Variants in PCDH15 observed in about 807,000 individuals in gnomAD.
PCDH15 encodes the protein protocadherin related 15, also known as protocadherin-15.
Under a neutral mutation model 178.5 loss-of-function variants are expected in PCDH15, and 129 were observed. That is an observed-to-expected ratio of 0.72 (90% CI 0.63 to 0.84). The LOEUF is 0.84. PCDH15 is among the 40% of genes least tolerant of loss of function. The pLI is 0.00. For synonymous variants in PCDH15, 800 were observed against 732.0 expected, an observed-to-expected ratio of 1.09 and a Z score of -1.50; for missense variants, 2,230 against 2,099.9, an observed-to-expected ratio of 1.06 and a Z score of -1.21.
chr10:54,087,918 C>A (rs72797015), intron 16 of PCDH15, among the ~76,000 whole-genome samples: 29,726 of 152,000 alleles, frequency 0.2, 3,163 homozygotes, highest in Non-Finnish European at 0.25. Context: ...GTGCGTGGCA[C>A]TTCCCCTCCC....
chr10:53,893,783 G>A (rs555187830), intron 26 of PCDH15, among the ~76,000 whole-genome samples: 2 of 152,110 alleles, frequency 1.3e-5, no homozygotes, highest in Non-Finnish European at 2.9e-5. Context: ...AATGAATTTT[G>A]GGGACTCGGG....
At chr10:54,390,328 T>C (rs1950400063) in intron 3 of PCDH15, among the ~76,000 whole-genome samples, 1 of 152,126 alleles carries the variant, frequency 6.6e-6, no homozygotes, top group Non-Finnish European at 1.5e-5. Flanking sequence ...AGTCTCGTTC[T>C]GTCGCCCAGG....
intron 3 of PCDH15, among the ~76,000 whole-genome samples, chr10:54,421,816 GTA>G (rs71185272): frequency 0.46 from 50,065 of 107,716 alleles, 11,898 homozygotes; most frequent in Middle Eastern, 0.56. Context: ...TGTAGTGTGT[GTA>G]TATATATATA....
intron 2 of PCDH15, among the ~76,000 whole-genome samples, chr10:55,078,321 TG>T (rs1247588053): frequency 6.6e-6 from 1 of 152,126 alleles, no homozygotes; most frequent in Non-Finnish European, 1.5e-5. Context: ...TGCATCTGTC[TG>T]GGGGATTGCT....
At chr10:55,605,300 C>A (rs1169017459) in intron 2 of PCDH15, among the ~76,000 whole-genome samples, 4 of 152,094 alleles carry the variant, frequency 2.6e-5, no homozygotes, top group Non-Finnish European at 5.9e-5. Flanking sequence ...GATTCACAGT[C>A]GAATTCTACC....
chr10:54,562,959 G>A (rs1414868902), intron 2 of PCDH15, among the ~76,000 whole-genome samples: 8 of 152,024 alleles, frequency 5.3e-5, no homozygotes, highest in Non-Finnish European at 2.9e-5. Flanking sequence ...ATGTTTGTTG[G>A]ACTTAACCTT....
At chr10:54,682,474 G>C (rs1012206663) in intron 1 of PCDH15, among the ~76,000 whole-genome samples, 35 of 152,058 alleles carry the variant, frequency 2.3e-4, no homozygotes, top group Admixed American at 3.9e-4. Context: ...TTCAGAAATT[G>C]GTCATTTATA....
chr10:54,465,047 A>G (rs1229536798), intron 3 of PCDH15, among the ~76,000 whole-genome samples: 1 of 152,142 alleles, frequency 6.6e-6, no homozygotes, highest in African/African-American at 2.4e-5. Context: ...TGTCTGCAAT[A>G]TATTTCCCTT....
At chr10:54,564,124 T>A (rs1015086267) in intron 2 of PCDH15, among the ~76,000 whole-genome samples, 2 of 149,004 alleles carry the variant, frequency 1.3e-5, no homozygotes, top group African/African-American at 4.9e-5. Flanking sequence ...AGATTCCTTG[T>A]TTTTCCCCCC....
At chr10:54,417,285 AT>A (rs1482034296) in intron 3 of PCDH15, among the ~76,000 whole-genome samples, 10 of 152,160 alleles carry the variant, frequency 6.6e-5, no homozygotes, top group African/African-American at 2.4e-4. Flanking sequence ...TTGTATACTG[AT>A]TTGCATTTAT....
At chr10:55,165,804 T>C (rs1564854387) in intron 2 of PCDH15, among the ~76,000 whole-genome samples, 1 of 152,056 alleles carries the variant, frequency 6.6e-6, no homozygotes, top group Non-Finnish European at 1.5e-5. Flanking sequence ...AATATTTGAT[T>C]TCCTTAAACA....
At chr10:55,577,423 C>T (rs940419287) in intron 2 of PCDH15, among the ~76,000 whole-genome samples, 2 of 152,040 alleles carry the variant, frequency 1.3e-5, no homozygotes, top group African/African-American at 4.8e-5. Flanking sequence ...ATACTAAATT[C>T]TGTGGAGATA....
At chr10:54,389,565 C>T (rs577657964) in intron 3 of PCDH15, among the ~76,000 whole-genome samples, 8 of 152,082 alleles carry the variant, frequency 5.3e-5, no homozygotes, top group Non-Finnish European at 8.8e-5. Flanking sequence ...AGAACTTGTT[C>T]GAAATCCGTA....
chr10:53,930,187 G>A (rs1436823289), intron 25 of PCDH15, among the ~76,000 whole-genome samples: 1 of 151,312 alleles, frequency 6.6e-6, no homozygotes, highest in Non-Finnish European at 1.5e-5. Context: ...GGCTGGGCGC[G>A]GTGGTTCACG....
chr10:54,207,757 C>T (rs1471375318), intron 10 of PCDH15, among the ~76,000 whole-genome samples: 2 of 152,000 alleles, frequency 1.3e-5, no homozygotes, highest in East Asian at 3.9e-4. Flanking sequence ...ATCACTTTAT[C>T]CTTAGGCAGA....
intron 26 of PCDH15, among the ~76,000 whole-genome samples, chr10:53,887,060 C>T (rs905836247): frequency 6.6e-6 from 1 of 152,144 alleles, no homozygotes; most frequent in African/African-American, 2.4e-5. Context: ...ACTATACTAG[C>T]TCATGATCCT....
intron 2 of PCDH15, among the ~76,000 whole-genome samples, chr10:55,515,177 C>T (rs561907032): frequency 5.9e-5 from 9 of 151,512 alleles, no homozygotes; most frequent in African/African-American, 1.7e-4. Context: ...TTAATAGAGA[C>T]GGGGTTTCAT....
chr10:55,372,324 CA>C (rs140614303), intron 2 of PCDH15, among the ~76,000 whole-genome samples: 2,987 of 152,180 alleles, frequency 0.02, 99 homozygotes, highest in African/African-American at 0.068. Flanking sequence ...ATATGGCAGG[CA>C]CCATGCTAAG....
chr10:55,466,725 C>A (rs1012727849), intron 2 of PCDH15, among the ~76,000 whole-genome samples: 4 of 152,150 alleles, frequency 2.6e-5, no homozygotes, highest in African/African-American at 9.7e-5. Flanking sequence ...CAGGAAGGAA[C>A]TGAAATCACC....
Sources: gnomAD v4.1 joint callset for allele counts (sites outside exome capture counted in the v4.1 genomes callset) on GRCh38, gnomAD v4.1.1 for gene constraint, MANE v1.5 for transcripts, NCBI Gene and HGNC (gene_info 2026-07-23, HGNC 2026-07-21) for gene names.